KAZN: variants seen among roughly 807,000 people sequenced by gnomAD.
The protein encoded by KAZN is kazrin.
A neutral mutation model predicts 87.4 loss-of-function variants in KAZN; 40 were observed. The observed-to-expected ratio is 0.46, with a 90% CI of 0.36 to 0.60. The LOEUF is 0.60. KAZN is among the 20% of genes least tolerant of loss of function. KAZN has a pLI of 0.00. For synonymous variants in KAZN, 466 were observed against 458.3 expected, an observed-to-expected ratio of 1.02 and a Z score of -0.22; for missense variants, 898 against 1,073.9, an observed-to-expected ratio of 0.84 and a Z score of 2.29.
intron 1 of KAZN, among the ~76,000 whole-genome samples, chr1:14,157,974 C>T (rs1035745084): frequency 6.6e-6 from 1 of 152,118 alleles, no homozygotes; most frequent in Admixed American, 6.5e-5. Context: ...GGGAAAACCA[C>T]CCTCATGAGC....
intron 1 of KAZN, among the ~76,000 whole-genome samples, chr1:14,762,782 C>G (rs550773733): frequency 6.6e-5 from 10 of 152,094 alleles, no homozygotes; most frequent in African/African-American, 1.4e-4. Context: ...TTCTCCACCC[C>G]ACAGGGGCCA....
chr1:14,141,250 A>C (rs1229872475), intron 1 of KAZN, among the ~76,000 whole-genome samples: 8 of 151,070 alleles, frequency 5.3e-5, no homozygotes, highest in East Asian at 3.9e-4. Flanking sequence ...AAAAAAAAAA[A>C]AAACAAAACT....
At chr1:14,556,436 C>T (rs1673881569) in intron 2 of KAZN, among the ~76,000 whole-genome samples, 1 of 152,074 alleles carries the variant, frequency 6.6e-6, no homozygotes, top group South Asian at 2.1e-4. Flanking sequence ...AAGCACAGCA[C>T]CCCATTAATT....
intron 1 of KAZN, among the ~76,000 whole-genome samples, chr1:13,944,739 TA>T (rs1557737108): frequency 6.6e-6 from 1 of 152,088 alleles, no homozygotes; most frequent in East Asian, 1.9e-4. Flanking sequence ...AATGTGTAAT[TA>T]AAAAGCTACT....
At position 15,044,162 on chromosome 1, in the gene KAZN, G is replaced by A. The variant is rs749469323; in HGVS notation, c.726+3G>A. 67 of 1,558,036 alleles carry A rather than the reference G, an allele frequency of 4.3e-5. No homozygotes were observed. The highest frequency in any genetic ancestry group is 4.4e-5 in the Non-Finnish European group (51 of 1,148,050). ...AGCTGGAGGCCGAGCTGGCCATGGT[G>A]AGAACCCTCCCCACCCAGGTGGGCC... is the stretch of plus-strand genomic sequence containing the variant. On this transcript the variant is annotated splice_donor_region_variant and intron_variant, in intron 4 of 14. Transcript: ENST00000376030.
intron 1 of KAZN, among the ~76,000 whole-genome samples, chr1:13,917,434 C>T (rs1453551972): frequency 1.3e-5 from 2 of 152,138 alleles, no homozygotes; most frequent in Non-Finnish European, 2.9e-5. Flanking sequence ...GTGGCCAATG[C>T]AGCTGGTGAT....
chr1:14,682,379 C>T (rs1442031644), intron 1 of KAZN, among the ~76,000 whole-genome samples: 1 of 151,858 alleles, frequency 6.6e-6, no homozygotes, highest in Non-Finnish European at 1.5e-5. Flanking sequence ...CCTCGACCTC[C>T]TGGGCTCAAG....
intron 1 of KAZN, among the ~76,000 whole-genome samples, chr1:14,956,414 A>T (rs1663109755): frequency 1.3e-5 from 2 of 152,036 alleles, no homozygotes; most frequent in Admixed American, 1.3e-4. Flanking sequence ...AGCCTAGCCA[A>T]CATGGTGAAA....
intron 10 of KAZN, among the ~76,000 whole-genome samples, chr1:15,100,432 G>A (rs945124372): frequency 9.9e-5 from 15 of 152,112 alleles, no homozygotes; most frequent in East Asian, 7.7e-4. Context: ...TGATGGCTTC[G>A]TGGCCCCCTG....
chr1:15,041,769 C>A (rs1304526766), intron 3 of KAZN, among the ~76,000 whole-genome samples: 1 of 151,988 alleles, frequency 6.6e-6, no homozygotes, highest in Non-Finnish European at 1.5e-5. Context: ...CCACCCCCAA[C>A]CCCCTTCCAG....
At chr1:14,743,286 C>T (rs750579720) in intron 1 of KAZN, among the ~76,000 whole-genome samples, 6 of 151,800 alleles carry the variant, frequency 4.0e-5, no homozygotes, top group African/African-American at 7.3e-5. Context: ...AAATATTAGC[C>T]GGGCGTGGTG....
At chr1:14,805,278 C>G (rs966499655) in intron 1 of KAZN, among the ~76,000 whole-genome samples, 1 of 152,144 alleles carries the variant, frequency 6.6e-6, no homozygotes, top group Non-Finnish European at 1.5e-5. Flanking sequence ...GTGCCTCACG[C>G]TGGGGTGTTG....
chr1:14,470,597 G>C (rs79993593), intron 2 of KAZN, among the ~76,000 whole-genome samples: 3,850 of 152,278 alleles, frequency 0.025, 174 homozygotes, highest in African/African-American at 0.086. Context: ...CAGAGAGAGA[G>C]AGGATATATT....
chr1:14,623,873 T>C (rs7527500), intron 1 of KAZN, among the ~76,000 whole-genome samples: 13,734 of 152,196 alleles, frequency 0.09, 2,079 homozygotes, highest in African/African-American at 0.31. Flanking sequence ...TGATCTCTGA[T>C]TTTATTCCCT....
At chr1:14,463,459 T>C (rs1012308236) in intron 2 of KAZN, among the ~76,000 whole-genome samples, 1 of 152,224 alleles carries the variant, frequency 6.6e-6, no homozygotes, top group African/African-American at 2.4e-5. Flanking sequence ...AGGTTTACCT[T>C]ATTGAAATTG....
chr1:14,506,140 C>G (rs961213724), intron 2 of KAZN, among the ~76,000 whole-genome samples: 2 of 152,162 alleles, frequency 1.3e-5, no homozygotes, highest in Non-Finnish European at 2.9e-5. Context: ...GTGAGGAGGA[C>G]AGGCCAGAAA....
At chr1:14,921,873 G>A (rs760510322) in intron 1 of KAZN, among the ~76,000 whole-genome samples, 10 of 152,216 alleles carry the variant, frequency 6.6e-5, no homozygotes, top group Non-Finnish European at 1.0e-4. Flanking sequence ...CACCACTCCC[G>A]GCTAATTTTT....
chr1:14,849,056 A>T (rs111351051), intron 1 of KAZN, among the ~76,000 whole-genome samples: 175 of 152,214 alleles, frequency 1.1e-3, no homozygotes, highest in African/African-American at 4.0e-3. Context: ...CATTTTACAG[A>T]CCAGCGAACT....
chr1:14,172,491 A>G (rs990522965), intron 1 of KAZN, among the ~76,000 whole-genome samples: 1 of 152,240 alleles, frequency 6.6e-6, no homozygotes, highest in Non-Finnish European at 1.5e-5. Context: ...CCAAAAAAAT[A>G]TACTATTGGT....
Sources: allele counts gnomAD v4.1 joint callset (sites outside exome capture counted in the v4.1 genomes callset), GRCh38; gene constraint gnomAD v4.1.1; transcripts MANE v1.5; gene names NCBI Gene and HGNC (gene_info 2026-07-23, HGNC 2026-07-21).